Variants in DSCAML1 observed in about 807,000 individuals in gnomAD.
DSCAML1 encodes cell adhesion molecule DSCAML1.
Under a neutral mutation model 200.5 loss-of-function variants are expected in DSCAML1, and 38 were observed. The observed-to-expected ratio is 0.19, with a 90% CI of 0.15 to 0.25. DSCAML1 has a LOEUF of 0.25. Ranked by LOEUF, DSCAML1 falls within the 10% of genes least tolerant of loss-of-function variation. The pLI, the probability that DSCAML1 is intolerant of heterozygous loss-of-function variation, is 1.00. For synonymous variants in DSCAML1, 1,215 were observed against 1,165.0 expected (o/e 1.04, Z -0.87); for missense variants, 2,223 against 2,858.8 (o/e 0.78, Z 5.07).
chr11:117,694,091 A>G (rs1033862089), intron 3 of DSCAML1, among the ~76,000 whole-genome samples: 33 of 144,516 alleles, frequency 2.3e-4, no homozygotes, highest in African/African-American at 7.9e-4. Flanking sequence ...ACATATATAT[A>G]TATTTTTTAA....
intron 1 of DSCAML1, among the ~76,000 whole-genome samples, chr11:117,795,313 G>A (rs2055550544): frequency 6.6e-6 from 1 of 152,142 alleles, no homozygotes; most frequent in Admixed American, 6.5e-5. Flanking sequence ...AGGGGATGGG[G>A]GTTGGAGAGA....
rs5795104 is a variant in DSCAML1 at position 117,757,573 on chromosome 11, T to TACACACACAC, written c.511+19208_511+19217dup. The stretch of plus-strand genomic sequence containing the variant: ...GCATTTTTAACCAATTAGGAGCCTA[T>TACACACACAC]ACACACACACACACACACACACACA... On this transcript the variant is annotated intron_variant, in intron 3 of 32. Transcript: ENST00000651296. 2.0e-3 allele frequency among the ~76,000 whole-genome samples: 300 copies of TACACACACAC among 146,892 alleles called. 1 individual carries two copies. The highest frequency in any genetic ancestry group is 0.01 in the Middle Eastern group (3 of 288).
intron 3 of DSCAML1, among the ~76,000 whole-genome samples, chr11:117,713,719 C>G (rs1397861080): frequency 6.6e-6 from 1 of 152,198 alleles, no homozygotes; most frequent in African/African-American, 2.4e-5. Context: ...AGATGTGTCC[C>G]CTTGTCGGGC....
At chr11:117,702,220 G>C (rs371101617) in intron 3 of DSCAML1, among the ~76,000 whole-genome samples, 2 of 152,122 alleles carry the variant, frequency 1.3e-5, no homozygotes, top group Non-Finnish European at 2.9e-5. Context: ...TTGCTTTTAG[G>C]AAAAGTTCAA....
intron 11 of DSCAML1, 71 bp from the exon 12 acceptor site, chr11:117,482,233 C>T (rs1244059310): frequency 6.4e-6 from 10 of 1,550,522 alleles, no homozygotes; most frequent in East Asian, 2.3e-5. Context: ...GCGTGCCCTG[C>T]GCAGAAGCCC....
chr11:117,432,252 G>T, intron 30 of DSCAML1, 100 bp downstream of exon 30: 1 of 1,328,458 alleles, frequency 7.5e-7, no homozygotes. Flanking sequence ...ATTCCATTAA[G>T]CTCCCTCCTC....
intron 32 of DSCAML1, among the ~76,000 whole-genome samples, chr11:117,429,263 A>G (rs1019614927): frequency 6.6e-6 from 1 of 152,096 alleles, no homozygotes; most frequent in Non-Finnish European, 1.5e-5. Flanking sequence ...TCGCCTCCCC[A>G]CCATGGAGCC....
Position 117,461,624 on chromosome 11 carries a change from G to A in DSCAML1, c.3266-28C>T, listed in dbSNP as rs755759332. On this transcript the variant is annotated intron_variant, in intron 17 of 32. Coordinates refer to ENST00000651296, the MANE Select transcript of DSCAML1 (RefSeq NM_020693.4). ...GCAGGGGGTAGGGGGAGAACCAAGG[G>A]TCCAGTCAGTCATGGATGTGAGTGA... 6.2e-6 allele frequency: 10 copies of A among 1,601,986 alleles called. No homozygotes were observed. The South Asian group carries it at 1.1e-4, about 18-fold the overall frequency.
chr11:117,546,840 C>G (rs1406517210), intron 3 of DSCAML1, among the ~76,000 whole-genome samples: 3 of 152,150 alleles, frequency 2.0e-5, no homozygotes, highest in Admixed American at 2.0e-4. Context: ...CATATTGCAA[C>G]AAGATTTTAT....
intron 11 of DSCAML1, among the ~76,000 whole-genome samples, chr11:117,501,662 G>A (rs1021946360): frequency 2.0e-5 from 3 of 152,140 alleles, no homozygotes; most frequent in Admixed American, 6.5e-5. Context: ...GTGTGAGAGG[G>A]AGTGTGTGTG....
intron 3 of DSCAML1, among the ~76,000 whole-genome samples, chr11:117,623,240 G>C (rs1404432536): frequency 9.5e-6 from 1 of 105,086 alleles, no homozygotes; most frequent in Non-Finnish European, 1.9e-5. Context: ...TTTTGAGACA[G>C]AGTTTTGCTC....
chr11:117,432,274 A>G (rs935108812), intron 30 of DSCAML1, 78 bp downstream of exon 30: 1 of 1,442,906 alleles, frequency 6.9e-7, no homozygotes, highest in Admixed American at 2.8e-5. Context: ...CTTTAAAAAA[A>G]AACACCACCT....
intron 3 of DSCAML1, chr11:117,668,342 C>G (rs1341646637): frequency 2.0e-5 from 3 of 152,096 alleles, no homozygotes; most frequent in Admixed American, 2.0e-4. Context: ...TCTACAGATC[C>G]CACAGGATCA....
intron 3 of DSCAML1, among the ~76,000 whole-genome samples, chr11:117,714,833 A>G (rs1479688939): frequency 6.7e-6 from 1 of 150,336 alleles, no homozygotes; most frequent in Non-Finnish European, 1.5e-5. Flanking sequence ...GAGGAAAAAA[A>G]AAAAAAAAAA....
In DSCAML1 at chr11:117,767,807, T is replaced by G. The variant is rs117641387; in HGVS notation, c.511+8984A>C. Among the ~76,000 whole-genome samples the G allele has an allele frequency of 1.8e-3, 279 of 152,294 alleles. 7 individuals carry two copies. In the East Asian group the frequency reaches 0.044, roughly 24 times the overall value. ...GGAATCTGTGTGACCTGGAGCAAAT[T>G]GCTCAGCCTCTCTGAATCTCATTTT... is the stretch of plus-strand genomic sequence containing the variant. On this transcript the variant is annotated intron_variant, in intron 3 of 32. Transcript: ENST00000651296.
At chr11:117,442,492 T>C (rs1176312057) in intron 21 of DSCAML1, among the ~76,000 whole-genome samples, 1 of 151,948 alleles carries the variant, frequency 6.6e-6, no homozygotes, top group Non-Finnish European at 1.5e-5. Context: ...CGTGTGCACA[T>C]GTATGAGTGT....
chr11:117,604,175 G>C (rs1435355321), intron 3 of DSCAML1, among the ~76,000 whole-genome samples: 3 of 152,146 alleles, frequency 2.0e-5, no homozygotes, highest in Non-Finnish European at 4.4e-5. Flanking sequence ...TAGCACACTT[G>C]CACGGCATCT....
intron 11 of DSCAML1, among the ~76,000 whole-genome samples, chr11:117,486,444 C>CGG (rs2049065188): frequency 7.2e-5 from 11 of 152,000 alleles, no homozygotes; most frequent in African/African-American, 2.2e-4. Flanking sequence ...GTGAAAGTGG[C>CGG]AGATATGAAA....
At chr11:117,704,740 G>C (rs1230115679) in intron 3 of DSCAML1, among the ~76,000 whole-genome samples, 1 of 152,202 alleles carries the variant, frequency 6.6e-6, no homozygotes, top group Non-Finnish European at 1.5e-5. Flanking sequence ...CAGGAACAAT[G>C]CAAGTATTAA....
Sources: gnomAD v4.1 joint callset for allele counts (sites outside exome capture counted in the v4.1 genomes callset) on GRCh38, gnomAD v4.1.1 for gene constraint, MANE v1.5 for transcripts, NCBI Gene and HGNC (gene_info 2026-07-23, HGNC 2026-07-21) for gene names.